MARCHF11: variants seen among roughly 807,000 people sequenced by gnomAD.
MARCHF11 encodes membrane associated ring-CH-type finger 11, also known as E3 ubiquitin-protein ligase MARCHF11.
MARCHF11 carries 29 observed loss-of-function variants against 37.3 expected under a neutral mutation model. The ratio of observed to expected loss-of-function variants is 0.78; its 90% CI spans 0.58 to 1.06. MARCHF11 has a LOEUF of 1.06. Ranked by LOEUF, MARCHF11 falls within the 50% of genes least tolerant of loss-of-function variation. The pLI, the probability that MARCHF11 is intolerant of heterozygous loss-of-function variation, is 0.00. For synonymous variants in MARCHF11, 233 were observed against 228.0 expected, an observed-to-expected ratio of 1.02 and a Z score of -0.20; for missense variants, 482 against 533.4, an observed-to-expected ratio of 0.90 and a Z score of 0.95.
chr5:16,077,777 T>C (rs547766475), intron 3 of MARCHF11, among the ~76,000 whole-genome samples: 1 of 152,312 alleles, frequency 6.6e-6, no homozygotes, highest in South Asian at 2.1e-4. Flanking sequence ...ATAATTCTTA[T>C]TAAGAAATTG....
intron 2 of MARCHF11, among the ~76,000 whole-genome samples, chr5:16,176,202 T>C (rs1481113079): frequency 6.6e-6 from 1 of 152,130 alleles, no homozygotes; most frequent in African/African-American, 2.4e-5. Flanking sequence ...TAACATATAG[T>C]TGCCATAAGT....
chr5:16,067,464 G>A lies in MARCHF11; in HGVS notation c.*7C>T. 1 of 1,611,254 alleles carries A rather than the reference G, an allele frequency of 6.2e-7. No individual in the cohort carries two copies. The highest frequency in any genetic ancestry group is 8.5e-7 in the Non-Finnish European group (1 of 1,177,684). On this transcript the variant is annotated 3_prime_UTR_variant, in exon 4 of 4. Transcript: ENST00000332432. ...GGTGGTCCACACTGCATCATCTTAT[G>A]CTTTTGTCACACTGAAGTCACTCTC...
At chr5:16,079,193 T>G (rs1736567304) in intron 3 of MARCHF11, among the ~76,000 whole-genome samples, 2 of 152,156 alleles carry the variant, frequency 1.3e-5, no homozygotes, top group Admixed American at 1.3e-4. Context: ...AGCCTGGGCC[T>G]TGCTCTTCCA....
intron 2 of MARCHF11, among the ~76,000 whole-genome samples, chr5:16,142,817 G>GAGTAGCTGAGATTACAGACATCTCCCA (rs1737734373): frequency 7.3e-6 from 1 of 137,762 alleles, no homozygotes; most frequent in Non-Finnish European, 1.5e-5. Flanking sequence ...TCAGCCTCCC[G>GAGTAGCTGAGATTACAGACATCTCCCA]AGTAGCTGAG....
At chr5:16,155,218 C>T (rs1313383932) in intron 2 of MARCHF11, among the ~76,000 whole-genome samples, 3 of 151,772 alleles carry the variant, frequency 2.0e-5, no homozygotes, top group African/African-American at 2.4e-5. Context: ...GTAGAAGTTT[C>T]TCATTTGGTG....
At chr5:16,176,882 C>A (rs927763439) in intron 2 of MARCHF11, among the ~76,000 whole-genome samples, 12 of 152,004 alleles carry the variant, frequency 7.9e-5, no homozygotes, top group Non-Finnish European at 1.8e-4. Flanking sequence ...CTGTTTTGAA[C>A]CCTATTCTTT....
At chr5:16,076,548 T>C (rs1223360686) in intron 3 of MARCHF11, among the ~76,000 whole-genome samples, 5 of 152,206 alleles carry the variant, frequency 3.3e-5, no homozygotes, top group Non-Finnish European at 4.4e-5. Context: ...CTCTCAATTC[T>C]TGGACAGATG....
chr5:16,084,989 A>AGTGTGTGTGT lies in MARCHF11; in HGVS notation c.886+5899_886+5900insACACACACAC, dbSNP rs530675511. On this transcript the variant is annotated intron_variant, in intron 3 of 3. Coordinates refer to ENST00000332432, the MANE Select transcript of MARCHF11 (RefSeq NM_001102562.3). ...ACATCAGGGATCAATCAGGGATCAG[A>AGTGTGTGTGT]GTGAGTGTGTGTGTGTGTGTGTGCG... 1.5e-3 allele frequency among the ~76,000 whole-genome samples: 189 copies of AGTGTGTGTGT among 128,742 alleles called. 1 individual carries two copies. Among genetic ancestry groups the AGTGTGTGTGT allele is most frequent in the African/African-American group, 5.2e-3 (181 of 34,938 alleles). The allele number at this position is 128,742 out of a possible 152,430, so 84.5% of individuals were successfully genotyped here.
At chr5:16,094,366 C>T (rs535420122) in intron 2 of MARCHF11, among the ~76,000 whole-genome samples, 3 of 152,082 alleles carry the variant, frequency 2.0e-5, no homozygotes, top group African/African-American at 4.8e-5. Flanking sequence ...TCTCGTGGGA[C>T]TTCTCTCTCT....
rs1399614173 is a variant in MARCHF11 at position 16,179,454 on chromosome 5, G to C, written c.122C>G (p.Pro41Arg). ...CAGGTAGCGCGGGGCCGCGGGGACC[G>C]GGGCCGGCTCTCCCGGCGGCGGCGT... ...PPTPPPGEPA[P>R]VPAAPRYLPP... Residue 41 changes from proline (P) to arginine (R), a missense_variant, in exon 1 of 4, where the codon CCG (proline) becomes CGG (arginine). Physicochemically the swap from Pro to Arg is moderately radical, Grantham distance 103. Transcript: ENST00000332432. 2 of 1,117,788 alleles carry C rather than the reference G, an allele frequency of 1.8e-6. No homozygotes were observed. The highest frequency in any genetic ancestry group is 5.0e-5 in the Admixed American group (1 of 19,896). 69.2% of individuals were successfully genotyped at this position (1,117,788 alleles called of 1,614,324 possible). A position where few individuals can be genotyped will look rare whatever the true frequency, so the allele number is the denominator to read the frequency against.
chr5:16,158,002 C>A (rs57930130), intron 2 of MARCHF11, among the ~76,000 whole-genome samples: 1,755 of 151,838 alleles, frequency 0.012, 38 homozygotes, highest in African/African-American at 0.04. Context: ...AACAAATAAT[C>A]CAATTAAAAA....
intron 2 of MARCHF11, among the ~76,000 whole-genome samples, chr5:16,174,303 G>T (rs1455085673): frequency 6.6e-6 from 1 of 152,160 alleles, no homozygotes; most frequent in Admixed American, 6.5e-5. Flanking sequence ...GAAGGTAAAT[G>T]CATTTTAATT....
In MARCHF11 at chr5:16,143,895, T is replaced by C. The variant is rs186636226; in HGVS notation, c.693+33831A>G. ...TGGCAGGACTTCAGAGTAGTTTAAG[T>C]GGATTATGCTTAAGAGTCTAAGGCC... On this transcript the variant is annotated intron_variant, in intron 2 of 3. Transcript: ENST00000332432. Among the ~76,000 whole-genome samples, 29 of 152,288 alleles carry C rather than the reference T, an allele frequency of 1.9e-4. No homozygotes were observed. The East Asian group carries it at 5.4e-3, about 28-fold the overall frequency.
chr5:16,163,778 T>C (rs1020856798), intron 2 of MARCHF11, among the ~76,000 whole-genome samples: 2 of 152,058 alleles, frequency 1.3e-5, no homozygotes, highest in African/African-American at 4.8e-5. Context: ...ATCAATGTGA[T>C]ACTATTAAGA....
chr5:16,073,478 C>T (rs1005663344), intron 3 of MARCHF11, among the ~76,000 whole-genome samples: 1 of 151,958 alleles, frequency 6.6e-6, no homozygotes, highest in Non-Finnish European at 1.5e-5. Flanking sequence ...AAAGCAATAA[C>T]CATAAGTCAT....
chr5:16,175,266 C>T (rs139227878), intron 2 of MARCHF11, among the ~76,000 whole-genome samples: 17 of 152,328 alleles, frequency 1.1e-4, no homozygotes, highest in African/African-American at 3.6e-4. Context: ...TTGTTTAAAG[C>T]ACTAAGTATT....
Position 16,067,591 on chromosome 5 carries a change from G to C in MARCHF11, c.1089C>G (p.Thr363=). ...CATAGCCACACTGAAACCTTGGTGA[G>C]GTTAACTGAGTTGGGTGGACCAAGT... ...NRNLVHPTQL[T]SPRFQCGYVL... is the part of the protein sequence containing the mutation. The change falls in exon 4 of 4, where the codon ACC becomes ACG. Residue 363 remains threonine (T), a synonymous_variant. Coordinates refer to ENST00000332432, the MANE Select transcript of MARCHF11 (RefSeq NM_001102562.3). 6.2e-7 allele frequency: 1 copy of C among 1,613,954 alleles called. No homozygotes were observed. Among genetic ancestry groups the C allele is most frequent in the Non-Finnish European group, 8.5e-7 (1 of 1,179,842 alleles).
At chr5:16,103,705 T>A (rs1301375105) in intron 2 of MARCHF11, among the ~76,000 whole-genome samples, 1 of 152,164 alleles carries the variant, frequency 6.6e-6, no homozygotes, top group Non-Finnish European at 1.5e-5. Context: ...ATGGCAGAAG[T>A]GGCTCTGTGT....
intron 2 of MARCHF11, among the ~76,000 whole-genome samples, chr5:16,166,621 TA>T (rs1345500963): frequency 6.6e-6 from 1 of 152,026 alleles, no homozygotes; most frequent in Non-Finnish European, 1.5e-5. Context: ...CATAGATATG[TA>T]AATTTCTATA....
Sources: gnomAD v4.1 joint callset for allele counts (sites outside exome capture counted in the v4.1 genomes callset) on GRCh38, gnomAD v4.1.1 for gene constraint, MANE v1.5 for transcripts, NCBI Gene and HGNC (gene_info 2026-07-23, HGNC 2026-07-21) for gene names.